The following SDK1 variants were observed in gnomAD, a reference collection of about 807,000 sequenced individuals.
The protein encoded by SDK1 is sidekick cell adhesion molecule 1.
SDK1 carries 157 observed loss-of-function variants against 245.5 expected under a neutral mutation model. That is an observed-to-expected ratio of 0.64 (90% confidence interval 0.56 to 0.73). The LOEUF is 0.73. Ranked by LOEUF, SDK1 falls within the 30% of genes least tolerant of loss-of-function variation. The pLI is 0.00. For missense variants in SDK1, 3,583 were observed against 3,002.3 expected (o/e 1.19, Z -4.52); for synonymous variants, 1,647 against 1,278.5 (o/e 1.29, Z -6.15).
chr7:3,749,101 G>C (rs1020274255), intron 4 of SDK1, among the ~76,000 whole-genome samples: 2 of 152,098 alleles, frequency 1.3e-5, no homozygotes, highest in African/African-American at 4.8e-5. Context: ...TGATATAATA[G>C]ATAAGTACAT....
chr7:3,921,303 A>G (rs1779577437), intron 5 of SDK1, among the ~76,000 whole-genome samples: 1 of 152,138 alleles, frequency 6.6e-6, no homozygotes, highest in South Asian at 2.1e-4. Flanking sequence ...CTATGTTATC[A>G]TTTTCAATAA....
At chr7:3,668,127 G>A (rs1335438525) in intron 4 of SDK1, among the ~76,000 whole-genome samples, 1 of 152,174 alleles carries the variant, frequency 6.6e-6, no homozygotes, top group Non-Finnish European at 1.5e-5. Context: ...AGACATGCAA[G>A]CCATTCTCAT....
intron 1 of SDK1, among the ~76,000 whole-genome samples, chr7:3,465,223 G>T (rs911666766): frequency 5.3e-5 from 8 of 152,150 alleles, no homozygotes; most frequent in Admixed American, 3.9e-4. Context: ...TCTGGATTCT[G>T]GGCTCAAGCA....
Position 3,974,518 on chromosome 7 carries a change from A to G in SDK1, c.1967A>G (p.Asp656Gly). 6.2e-7 allele frequency: 1 copy of G among 1,613,872 alleles called. No individual in the cohort carries two copies. Among genetic ancestry groups the G allele is most frequent in the Non-Finnish European group, 8.5e-7 (1 of 1,179,978 alleles). The change falls in exon 13 of 45, where the codon GAC becomes GGC. Residue 656 changes from aspartate (D) to glycine (G), a missense_variant. Asp to Gly is a moderately conservative substitution (Grantham distance 94). Transcript: ENST00000404826. ...GAGATTGTTTCTGAAGGAGGGAATG[A>G]CTCCAGGATGGCCCGGCTGGAAGTG... ...SCEIVSEGGN[D>G]SRMARLEVIE...
chr7:3,943,601 G>T (rs1780459774), intron 5 of SDK1, among the ~76,000 whole-genome samples: 1 of 150,918 alleles, frequency 6.6e-6, no homozygotes, highest in Admixed American at 6.6e-5. Flanking sequence ...TCATTCGACC[G>T]CTCCCCAACC....
intron 4 of SDK1, among the ~76,000 whole-genome samples, chr7:3,798,613 C>A (rs886937067): frequency 1.1e-4 from 16 of 152,154 alleles, no homozygotes; most frequent in African/African-American, 3.9e-4. Flanking sequence ...GCTGACTCAT[C>A]ATCTCAGGGC....
intron 40 of SDK1, among the ~76,000 whole-genome samples, chr7:4,230,404 G>A (rs1032791969): frequency 6.8e-6 from 1 of 147,748 alleles, no homozygotes; most frequent in Non-Finnish European, 1.5e-5. Flanking sequence ...GGAGGGCAGG[G>A]GAGGGAAGGG....
intron 4 of SDK1, among the ~76,000 whole-genome samples, chr7:3,820,983 C>G (rs910753862): frequency 2.0e-5 from 3 of 152,224 alleles, no homozygotes; most frequent in African/African-American, 7.2e-5. Context: ...CTTCTACGCA[C>G]CAGTGTAGAT....
chr7:3,706,842 G>T (rs116025011), intron 4 of SDK1, among the ~76,000 whole-genome samples: 1 of 152,092 alleles, frequency 6.6e-6, no homozygotes, highest in Non-Finnish European at 1.5e-5. Context: ...TCTAATTTGT[G>T]TGCACAAAGG....
At chr7:4,219,805 G>T (rs900271881) in intron 38 of SDK1, among the ~76,000 whole-genome samples, 1 of 29,286 alleles carries the variant, frequency 3.4e-5, no homozygotes, top group South Asian at 1.3e-3. Flanking sequence ...CCCTTCCCCC[G>T]CCCCCGCTCC....
intron 19 of SDK1, among the ~76,000 whole-genome samples, chr7:4,056,764 AGT>A (rs1036060312): frequency 3.3e-5 from 5 of 152,162 alleles, no homozygotes; most frequent in Non-Finnish European, 7.4e-5. Context: ...GCTACTATGC[AGT>A]GCTGCTCAAA....
chr7:3,954,263 A>T (rs1208601249), intron 7 of SDK1, among the ~76,000 whole-genome samples: 1 of 14,220 alleles, frequency 7.0e-5, no homozygotes, highest in Non-Finnish European at 1.3e-4. Flanking sequence ...TCCCCTCTAC[A>T]CCCTCCTCTC....
intron 22 of SDK1, among the ~76,000 whole-genome samples, chr7:4,086,478 G>A (rs980955992): frequency 1.3e-5 from 2 of 152,156 alleles, no homozygotes; most frequent in African/African-American, 4.8e-5. Flanking sequence ...TGCAGTTGTA[G>A]GACTGAGGTC....
At chr7:4,248,715 C>T (rs114050289) in intron 44 of SDK1, among the ~76,000 whole-genome samples, 134 of 152,044 alleles carry the variant, frequency 8.8e-4, no homozygotes, top group Non-Finnish European at 1.0e-3. Flanking sequence ...TGTACACACA[C>T]GCACACGCAC....
intron 38 of SDK1, among the ~76,000 whole-genome samples, chr7:4,217,436 G>T (rs1459172792): frequency 3.1e-5 from 4 of 127,094 alleles, no homozygotes; most frequent in Non-Finnish European, 5.0e-5. Context: ...CAGGCCACTC[G>T]GAGAACCACA....
At chr7:4,235,831 C>T (rs1426588523) in intron 41 of SDK1, among the ~76,000 whole-genome samples, 3 of 152,212 alleles carry the variant, frequency 2.0e-5, no homozygotes, top group South Asian at 2.1e-4. Context: ...CACCTGCTGG[C>T]GTCAGGACCG....
rs766940091 is a variant in SDK1, at chr7:3,987,329, A to G, written c.2131+7A>G. 1 of 1,613,360 alleles carries G rather than the reference A, an allele frequency of 6.2e-7. No homozygotes were observed. The highest frequency in any genetic ancestry group is 8.5e-7 in the Non-Finnish European group (1 of 1,179,540). ...GTGGAGCTCTCTGAAAACAGTAAGT[A>G]GCAAAATGAAACTGTCACCATGGAC... On this transcript the variant is annotated splice_region_variant and intron_variant, in intron 14 of 44. Coordinates refer to ENST00000404826, the MANE Select transcript of SDK1 (RefSeq NM_152744.4).
intron 14 of SDK1, among the ~76,000 whole-genome samples, chr7:4,008,904 G>T (rs556425222): frequency 6.6e-6 from 1 of 152,300 alleles, no homozygotes; most frequent in South Asian, 2.1e-4. Context: ...GTTCCTTTGA[G>T]TGTATACTGA....
intron 4 of SDK1, among the ~76,000 whole-genome samples, chr7:3,647,217 G>T (rs1361245040): frequency 6.6e-6 from 1 of 152,228 alleles, no homozygotes; most frequent in African/African-American, 2.4e-5. Flanking sequence ...CGCTATAGCA[G>T]TCTAGCCTGG....
Sources: allele counts gnomAD v4.1 joint callset (sites outside exome capture counted in the v4.1 genomes callset), GRCh38; gene constraint gnomAD v4.1.1; transcripts MANE v1.5; gene names NCBI Gene and HGNC (gene_info 2026-07-23, HGNC 2026-07-21).